The following ST3GAL3 variants were observed in gnomAD, a reference collection of about 807,000 sequenced individuals.
ST3GAL3 encodes the protein ST3 beta-galactoside alpha-2,3-sialyltransferase 3.
Under a neutral mutation model 50.1 loss-of-function variants are expected in ST3GAL3, and 21 were observed. The ratio of observed to expected loss-of-function variants is 0.42; its 90% CI spans 0.30 to 0.60. The LOEUF (loss-of-function observed/expected upper bound fraction) is 0.60. Among genes scored for constraint, ST3GAL3 ranks in the 20% least tolerant of loss-of-function variants. The probability of loss-of-function intolerance (pLI) is 0.19; values close to 1 mark genes in which losing one functional copy is unlikely to be tolerated. For missense variants in ST3GAL3, 353 were observed against 489.4 expected, an observed-to-expected ratio of 0.72 and a Z score of 2.63; for synonymous variants, 183 against 190.0, an observed-to-expected ratio of 0.96 and a Z score of 0.30.
intron 5 of ST3GAL3, chr1:43,879,116 G>A (rs770476599): frequency 6.6e-6 from 3 of 451,558 alleles, no homozygotes; most frequent in East Asian, 7.0e-5. Context: ...CCCTGAGGAG[G>A]TGACATTTCA....
chr1:43,746,162 A>G (rs1006446592), intron 2 of ST3GAL3, among the ~76,000 whole-genome samples: 1 of 152,234 alleles, frequency 6.6e-6, no homozygotes, highest in Non-Finnish European at 1.5e-5. Flanking sequence ...GAAGGAAGGA[A>G]ATTTTGACAC....
Position 43,736,215 on chromosome 1 carries a change from AAACTT to A in ST3GAL3, c.-30-17_-30-13del. On this transcript the variant is annotated splice_polypyrimidine_tract_variant and intron_variant, in intron 1 of 11. Transcript: ENST00000347631. ...ATGAGTGCTTTGTCTTTTAAGAACT[AAACTT>A]TTTCTTTTCTAGGTCATTTAGGAAA... 2 of 1,610,496 alleles carry A rather than the reference AAACTT, an allele frequency of 1.2e-6. No homozygotes were observed. Among genetic ancestry groups the A allele is most frequent in the Non-Finnish European group, 1.7e-6 (2 of 1,176,692 alleles).
chr1:43,804,013 T>C (rs1216610138), intron 3 of ST3GAL3, among the ~76,000 whole-genome samples: 2 of 152,202 alleles, frequency 1.3e-5, no homozygotes, highest in Non-Finnish European at 2.9e-5. Context: ...GGAGAGTATC[T>C]TCAGGTGCTA....
At chr1:43,769,093 G>A (rs899594877) in intron 2 of ST3GAL3, among the ~76,000 whole-genome samples, 12 of 152,142 alleles carry the variant, frequency 7.9e-5, no homozygotes, top group African/African-American at 2.2e-4. Flanking sequence ...TTGATGTAAC[G>A]TTAGAGAAAT....
At chr1:43,752,532 G>T (rs12070700) in intron 2 of ST3GAL3, among the ~76,000 whole-genome samples, 2,187 of 151,964 alleles carry the variant, frequency 0.014, 55 homozygotes, top group African/African-American at 0.05. Context: ...ACAGGGTCTC[G>T]CTCTGTGTCC....
intron 5 of ST3GAL3, among the ~76,000 whole-genome samples, chr1:43,854,736 A>G (rs1205970517): frequency 2.0e-5 from 3 of 152,206 alleles, no homozygotes; most frequent in African/African-American, 4.8e-5. Flanking sequence ...CGAATTTCCA[A>G]CAAATCTAAT....
chr1:43,730,016 A>C (rs1674925116), intron 1 of ST3GAL3, among the ~76,000 whole-genome samples: 1 of 152,192 alleles, frequency 6.6e-6, no homozygotes, highest in Non-Finnish European at 1.5e-5. Context: ...GCGAGTTTGA[A>C]ATTACATCTC....
chr1:43,867,130 AAAAT>A (rs965045962), intron 5 of ST3GAL3, among the ~76,000 whole-genome samples: 5 of 152,224 alleles, frequency 3.3e-5, no homozygotes, highest in African/African-American at 9.6e-5. Context: ...ACTCCGTCTC[AAAAT>A]AAATAAAGCC....
At position 43,920,904 on chromosome 1, in the gene ST3GAL3, C is replaced by T. The variant is rs149000966; in HGVS notation, c.1014C>T (p.Thr338=). The change falls in exon 11 of 12, where the codon ACC becomes ACT. Residue 338 remains threonine, a synonymous_variant. Coordinates refer to ENST00000347631, the MANE Select transcript of ST3GAL3 (RefSeq NM_006279.5). The part of the protein sequence containing the change: ...TPNAPLHYYE[T]VRMAAIKESW... ...ACGCACCCCTGCACTACTATGAGAC[C>T]GTTCGCATGGCAGCCATCAAAGAGG... is the stretch of plus-strand genomic sequence containing the variant. 2.5e-6 allele frequency: 4 copies of T among 1,613,696 alleles called. No homozygotes were observed. Among genetic ancestry groups the T allele is most frequent in the Non-Finnish European group, 2.5e-6 (3 of 1,179,838 alleles).
At chr1:43,786,913 G>A (rs550081613) in intron 2 of ST3GAL3, among the ~76,000 whole-genome samples, 3 of 152,110 alleles carry the variant, frequency 2.0e-5, no homozygotes, top group East Asian at 3.9e-4. Context: ...TCATTTTTAC[G>A]TCTCTCAGGC....
intron 9 of ST3GAL3, among the ~76,000 whole-genome samples, chr1:43,906,340 C>G (rs1383176029): frequency 2.8e-5 from 4 of 144,042 alleles, no homozygotes; most frequent in Non-Finnish European, 4.6e-5. Context: ...TTCTCCTCCT[C>G]CTGTTCCTCT....
intron 5 of ST3GAL3, among the ~76,000 whole-genome samples, chr1:43,855,668 A>C (rs1031477087): frequency 6.6e-6 from 1 of 152,066 alleles, no homozygotes; most frequent in African/African-American, 2.4e-5. Flanking sequence ...TGAGAATCCC[A>C]AAAACTCTAA....
chr1:43,888,647 G>C (rs184619390), intron 5 of ST3GAL3, among the ~76,000 whole-genome samples: 1 of 152,216 alleles, frequency 6.6e-6, no homozygotes, highest in Admixed American at 6.5e-5. Context: ...ACTGCAAATG[G>C]CTCTTCCATA....
At chr1:43,840,343 C>T (rs1396430503) in intron 5 of ST3GAL3, 1 of 152,136 alleles carries the variant, frequency 6.6e-6, no homozygotes, top group African/African-American at 2.4e-5. Context: ...TACCTTTCAA[C>T]ATCAGATTTG....
In ST3GAL3 at chr1:43,899,816, C is replaced by T. The variant is rs1377587254; in HGVS notation, c.744+89C>T. 1.3e-5 allele frequency: 17 copies of T among 1,268,382 alleles called. No individual in the cohort carries two copies. The highest frequency in any genetic ancestry group is 9.3e-5 in the Admixed American group (5 of 54,004). The allele number at this position is 1,268,382 out of a possible 1,614,324, so 78.6% of individuals were successfully genotyped here. On this transcript the variant is annotated intron_variant, in intron 9 of 11. Coordinates refer to ENST00000347631, the MANE Select transcript of ST3GAL3 (RefSeq NM_006279.5). The surrounding 1 kb of genome is among the most constrained non-coding windows in gnomAD (Gnocchi z 5.4). ...CCCGCCCCTTGAATGCAGCAAAGAA[C>T]GAGTAAGAACCTTCAAAGGAAACAT...
intron 9 of ST3GAL3, among the ~76,000 whole-genome samples, chr1:43,905,375 C>T (rs2079168218): frequency 8.0e-6 from 1 of 124,310 alleles, no homozygotes; most frequent in East Asian, 2.6e-4. Flanking sequence ...GTTCCTCTTC[C>T]CACCACTCTT....
At chr1:43,757,988 A>G (rs1290883989) in intron 2 of ST3GAL3, among the ~76,000 whole-genome samples, 1 of 139,656 alleles carries the variant, frequency 7.2e-6, no homozygotes, top group African/African-American at 2.9e-5. Flanking sequence ...ATAAGTAGAC[A>G]AAGAGCCAGC....
rs114244523 is a variant in ST3GAL3 at position 43,798,323 on chromosome 1, A to G, written c.166+6174A>G. ...CCAGAGTAATCTTCCAGAAACCTAA[A>G]TCGGATCCTGTCTTGTTACCACTGA... is the stretch of plus-strand genomic sequence containing the variant. On this transcript the variant is annotated intron_variant, in intron 3 of 11. Transcript: ENST00000347631. Among the ~76,000 whole-genome samples the G allele has an allele frequency of 1.1e-3, 166 of 152,218 alleles. 2 individuals are homozygous for G. The highest frequency in any genetic ancestry group is 3.8e-3 in the African/African-American group (157 of 41,534).
chr1:43,819,943 T>A (rs965111306), intron 4 of ST3GAL3, among the ~76,000 whole-genome samples: 1 of 152,168 alleles, frequency 6.6e-6, no homozygotes, highest in Non-Finnish European at 1.5e-5. Flanking sequence ...TCATTTTTCA[T>A]AGAAGTAGAG....
Sources: gnomAD v4.1 joint callset for allele counts (sites outside exome capture counted in the v4.1 genomes callset) on GRCh38, gnomAD v4.1.1 for gene constraint, Gnocchi (gnomAD v3.1) non-coding constraint, MANE v1.5 for transcripts, NCBI Gene and HGNC (gene_info 2026-07-23, HGNC 2026-07-21) for gene names.